Variants in FOXP2 observed in about 807,000 individuals in gnomAD.
FOXP2 encodes the protein forkhead box protein P2.
FOXP2 carries 12 observed loss-of-function variants against 115.8 expected under a neutral mutation model. The observed-to-expected ratio is 0.10, with a 90% CI of 0.07 to 0.17. The LOEUF (loss-of-function observed/expected upper bound fraction) is 0.17, where lower values mean the gene tolerates loss of function less well. Among genes scored for constraint, FOXP2 ranks in the 10% least tolerant of loss-of-function variants. The pLI, the probability that FOXP2 is intolerant of heterozygous loss-of-function variation, is 1.00. For synonymous variants in FOXP2, 328 were observed against 297.7 expected, an observed-to-expected ratio of 1.10 and a Z score of -1.05; for missense variants, 629 against 843.5, an observed-to-expected ratio of 0.75 and a Z score of 3.15.
intron 2 of FOXP2, among the ~76,000 whole-genome samples, chr7:114,341,256 G>A (rs1791205740): frequency 6.6e-6 from 1 of 151,138 alleles, no homozygotes; most frequent in African/African-American, 2.4e-5. Context: ...CGTTAGAATG[G>A]TATAAAATAT....
At chr7:114,198,723 T>A (rs1793978618) in intron 1 of FOXP2, among the ~76,000 whole-genome samples, 1 of 152,172 alleles carries the variant, frequency 6.6e-6, no homozygotes, top group South Asian at 2.1e-4. Context: ...TCTTAATGTT[T>A]GCTTGATTGC....
chr7:114,487,135 G>C (rs1268955284), intron 2 of FOXP2, among the ~76,000 whole-genome samples: 2 of 152,188 alleles, frequency 1.3e-5, no homozygotes, highest in Non-Finnish European at 2.9e-5. Context: ...CTTCTGCCTG[G>C]ACATCCAGAA....
At chr7:114,259,916 G>A (rs1202974943) in intron 1 of FOXP2, among the ~76,000 whole-genome samples, 3 of 152,048 alleles carry the variant, frequency 2.0e-5, no homozygotes, top group Non-Finnish European at 2.9e-5. Context: ...TTGAGACAGA[G>A]TCTTGCTCTG....
chr7:114,104,501 A>T (rs767631229), intron 1 of FOXP2, among the ~76,000 whole-genome samples: 2 of 152,026 alleles, frequency 1.3e-5, no homozygotes, highest in Non-Finnish European at 2.9e-5. Context: ...TTGATAGCAT[A>T]GGTGATGAAA....
chr7:114,229,948 C>G (rs1389972760), intron 1 of FOXP2, among the ~76,000 whole-genome samples: 3 of 151,462 alleles, frequency 2.0e-5, no homozygotes, highest in East Asian at 3.9e-4. Context: ...ATCAACAAAA[C>G]TAATAGTTGA....
intron 2 of FOXP2, among the ~76,000 whole-genome samples, chr7:114,395,162 G>C (rs894786931): frequency 6.6e-6 from 1 of 152,154 alleles, no homozygotes; most frequent in Non-Finnish European, 1.5e-5. Flanking sequence ...TGTAAGAACT[G>C]ACAATGATGG....
chr7:114,322,103 G>T (rs1408401128), intron 2 of FOXP2, among the ~76,000 whole-genome samples: 2 of 149,528 alleles, frequency 1.3e-5, no homozygotes, highest in African/African-American at 4.9e-5. Context: ...GCTCACTATA[G>T]CCTAGACCTC....
intron 1 of FOXP2, among the ~76,000 whole-genome samples, chr7:114,164,750 T>C (rs996126620): frequency 5.9e-5 from 9 of 152,288 alleles, no homozygotes; most frequent in African/African-American, 1.9e-4. Context: ...TTGAAAAATG[T>C]GATGAAACTT....
At chr7:114,212,057 G>A (rs868047081) in intron 1 of FOXP2, among the ~76,000 whole-genome samples, 3 of 144,176 alleles carry the variant, frequency 2.1e-5, no homozygotes, top group Non-Finnish European at 3.0e-5. Context: ...CGACTGGAGC[G>A]AAACTCAGTT....
intron 1 of FOXP2, among the ~76,000 whole-genome samples, chr7:114,175,551 A>G (rs1419439373): frequency 1.3e-5 from 2 of 152,194 alleles, no homozygotes; most frequent in East Asian, 1.9e-4. Flanking sequence ...TTATTATTGT[A>G]TAACCTAAAA....
chr7:114,480,696 C>CATATATACATATGTGCATGT (rs1468818325), intron 2 of FOXP2, among the ~76,000 whole-genome samples: 1 of 149,512 alleles, frequency 6.7e-6, no homozygotes, highest in Non-Finnish European at 1.5e-5. Context: ...TATGTGTGTG[C>CATATATACATATGTGCATGT]ATATATACAT....
chr7:114,495,202 G>A (rs954357295), intron 2 of FOXP2, among the ~76,000 whole-genome samples: 1 of 152,172 alleles, frequency 6.6e-6, no homozygotes, highest in Non-Finnish European at 1.5e-5. Context: ...GTTGTCTTCA[G>A]GTCAGCATGT....
At chr7:114,351,014 T>A (rs1245025605) in intron 2 of FOXP2, among the ~76,000 whole-genome samples, 1 of 152,176 alleles carries the variant, frequency 6.6e-6, no homozygotes, top group Non-Finnish European at 1.5e-5. Flanking sequence ...GTTGTTACAC[T>A]GTATTGTTTA....
intron 3 of FOXP2, among the ~76,000 whole-genome samples, chr7:114,605,861 TA>T (rs760749757): frequency 2.2e-4 from 34 of 152,178 alleles, no homozygotes; most frequent in Non-Finnish European, 1.6e-4. Context: ...GAGAGCTTTT[TA>T]GTATTTGACA....
Position 114,140,956 on chromosome 7 carries a change from T to C in FOXP2, c.-246-21988T>C, listed in dbSNP as rs552162306. ...GTAAGACTTTGCAAAGTATTTGTGC[T>C]GAAGCTGGGATTATATAGACAACAG... On this transcript the variant is annotated intron_variant, in intron 1 of 19. Coordinates refer to the FOXP2 transcript ENST00000635638. 2.6e-5 allele frequency among the ~76,000 whole-genome samples: 4 copies of C among 152,336 alleles called. No homozygotes were observed. In the East Asian group the frequency reaches 7.7e-4, roughly 29 times the overall value.
At chr7:114,388,800 A>G (rs952333873) in intron 2 of FOXP2, among the ~76,000 whole-genome samples, 1 of 152,226 alleles carries the variant, frequency 6.6e-6, no homozygotes, top group African/African-American at 2.4e-5. Context: ...TAAAATGCAT[A>G]TATTAGAAAT....
intron 1 of FOXP2, among the ~76,000 whole-genome samples, chr7:114,091,486 T>C (rs965630700): frequency 2.0e-5 from 3 of 151,914 alleles, no homozygotes; most frequent in Non-Finnish European, 4.4e-5. Flanking sequence ...CTAATTATTT[T>C]TAGGAGTATA....
At chr7:114,330,526 A>G (rs938374400) in intron 2 of FOXP2, among the ~76,000 whole-genome samples, 5 of 149,636 alleles carry the variant, frequency 3.3e-5, no homozygotes, top group African/African-American at 9.8e-5. Flanking sequence ...ACACACACAC[A>G]ATTTTTATAT....
At chr7:114,239,706 G>A (rs576356958) in intron 1 of FOXP2, among the ~76,000 whole-genome samples, 8 of 152,232 alleles carry the variant, frequency 5.3e-5, no homozygotes, top group African/African-American at 1.9e-4. Context: ...TGTTACCATA[G>A]TTACCTGAGC....
Sources: allele counts gnomAD v4.1 joint callset (sites outside exome capture counted in the v4.1 genomes callset), GRCh38; gene constraint gnomAD v4.1.1; transcripts MANE v1.5; gene names NCBI Gene and HGNC (gene_info 2026-07-23, HGNC 2026-07-21).